TNRC6A: variants seen among roughly 807,000 people sequenced by gnomAD.
TNRC6A encodes trinucleotide repeat containing adaptor 6A, also known as trinucleotide repeat-containing gene 6A protein.
TNRC6A carries 44 observed loss-of-function variants against 221.2 expected under a neutral mutation model. The observed-to-expected ratio is 0.20, with a 90% confidence interval of 0.16 to 0.26. The LOEUF (loss-of-function observed/expected upper bound fraction) is 0.26. Ranked by LOEUF, TNRC6A falls within the 10% of genes least tolerant of loss-of-function variation. The pLI, the probability that TNRC6A is intolerant of heterozygous loss-of-function variation, is 1.00. For missense variants in TNRC6A, 2,199 were observed against 2,404.4 expected (o/e 0.91, Z 1.79); for synonymous variants, 847 against 838.5 (o/e 1.01, Z -0.18).
At chr16:24,663,780 C>T (rs2055085649) in intron 2 of TNRC6A, 3 of 375,792 alleles carry the variant, frequency 8.0e-6, no homozygotes, top group African/African-American at 2.1e-5. Context: ...CAGTGTCCAG[C>T]CCCTCCAGAG....
chr16:24,809,267 T>C lies in TNRC6A; in HGVS notation c.4541-83T>C, dbSNP rs1394572190. On this transcript the variant is annotated intron_variant, in intron 17 of 24. Coordinates refer to ENST00000395799, the MANE Select transcript of TNRC6A (RefSeq NM_014494.4). ...TGGTTTGAAAACATTAGTTACATGT[T>C]TTTCTAGGAAATAGAAGTTGTGCTA... 4 of 1,270,668 alleles carry C rather than the reference T, an allele frequency of 3.1e-6. No individual in the cohort carries two copies. In the Admixed American group the frequency reaches 8.1e-5, roughly 26 times the overall value. The allele number at this position is 1,270,668 out of a possible 1,614,324, so 78.7% of individuals were successfully genotyped here.
intron 1 of TNRC6A, among the ~76,000 whole-genome samples, chr16:24,639,849 G>T (rs1901844380): frequency 6.6e-6 from 1 of 152,086 alleles, no homozygotes; most frequent in Non-Finnish European, 1.5e-5. Context: ...TAGAAATGAG[G>T]CTTCACTATG....
At chr16:24,738,186 T>C (rs2056813152) in intron 2 of TNRC6A, among the ~76,000 whole-genome samples, 1 of 152,222 alleles carries the variant, frequency 6.6e-6, no homozygotes, top group Non-Finnish European at 1.5e-5. Context: ...GCTCAGCTTA[T>C]CAATTTAGCA....
chr16:24,729,752 C>T lies in TNRC6A; in HGVS notation c.-90C>T, dbSNP rs2056575493. The T allele has an allele frequency of 4.6e-6, 6 of 1,307,200 alleles. No individual in the cohort carries two copies. Among genetic ancestry groups the T allele is most frequent in the Non-Finnish European group, 5.9e-6 (6 of 1,023,266 alleles). 81.0% of individuals were successfully genotyped at this position (1,307,200 alleles called of 1,614,324 possible). A position where few individuals can be genotyped will look rare whatever the true frequency, so the allele number is the denominator to read the frequency against. On this transcript the variant is annotated 5_prime_UTR_variant, in exon 1 of 25. Transcript: ENST00000395799. ...GGTGTAGAAAATGGCGCTGGTGCAG[C>T]GGCTCGGGCCTCTCCCCGCGGCGCT... is the stretch of plus-strand genomic sequence containing the variant.
Position 24,823,126 on chromosome 16 carries a change from A to T in TNRC6A, c.5513+113A>T. 1 of 1,405,124 alleles carries T rather than the reference A, an allele frequency of 7.1e-7. No homozygotes were observed. Among genetic ancestry groups the T allele is most frequent in the South Asian group, 1.3e-5 (1 of 78,380 alleles). 87.0% of individuals were successfully genotyped at this position (1,405,124 alleles called of 1,614,324 possible). A position where few individuals can be genotyped will look rare whatever the true frequency, so the allele number is the denominator to read the frequency against. On this transcript the variant is annotated intron_variant, in intron 24 of 24. Coordinates refer to ENST00000395799, the MANE Select transcript of TNRC6A (RefSeq NM_014494.4). The surrounding 1 kb of genome is among the most constrained non-coding windows in gnomAD (Gnocchi z 4.3). ...TGCGTGGGTGGCTCCTGCTGGCTGC[A>T]GTAGTGCCCTGATTCCAAGGTCGGC...
At chr16:24,642,627 C>G (rs11074642) in intron 2 of TNRC6A, among the ~76,000 whole-genome samples, 107,926 of 151,924 alleles carry the variant, frequency 0.71, 39,541 homozygotes, top group African/African-American at 0.89. Flanking sequence ...AGACCAGCCT[C>G]GCCAACATGG....
chr16:24,791,545 C>T lies in TNRC6A; in HGVS notation c.2903C>T (p.Thr968Ile). 3.2e-6 allele frequency: 5 copies of T among 1,545,684 alleles called. No homozygotes were observed. Among genetic ancestry groups the T allele is most frequent in the Non-Finnish European group, 4.3e-6 (5 of 1,151,036 alleles). The change falls in exon 6 of 25, where the codon ACA becomes ATA. Residue 968 changes from threonine to isoleucine, a missense_variant. Thr to Ile is a moderately conservative substitution (Grantham distance 89). Transcript: ENST00000395799. Reference protein sequence around the residue: ...IPPATGKPPGTGWLGGPIPAP... With the variant: ...IPPATGKPPGIGWLGGPIPAP... ...CCAGCTACAGGCAAACCTCCTGGTA[C>T]AGGCTGGCTGGGGGGACCTATACCA...
Position 24,820,329 on chromosome 16 carries a change from A to T in TNRC6A, c.5271A>T (p.Gly1757=), listed in dbSNP as rs1362278720. 1.9e-6 allele frequency: 3 copies of T among 1,614,062 alleles called. No homozygotes were observed. The highest frequency in any genetic ancestry group is 1.1e-5 in the South Asian group (1 of 91,082). ...ATTCTCCCCTTCGTATAGGTGGAGG[A>T]TGGGGAAATTCTGACGCCAGATATA... ...WDNSPLRIGG[G]WGNSDARYTP... Residue 1757 remains glycine (G), a synonymous_variant, in exon 22 of 25, where the codon GGA becomes GGT. Transcript: ENST00000395799.
chr16:24,665,458 T>C, intron 2 of TNRC6A, among the ~76,000 whole-genome samples: 1 of 152,184 alleles, frequency 6.6e-6, no homozygotes, highest in Non-Finnish European at 1.5e-5. Flanking sequence ...TCATTGCCTT[T>C]TAACTCATTG....
intron 5 of TNRC6A, among the ~76,000 whole-genome samples, chr16:24,785,592 G>T (rs1174292274): frequency 6.6e-6 from 1 of 151,710 alleles, no homozygotes; most frequent in Non-Finnish European, 1.5e-5. Flanking sequence ...TCTCATTTTT[G>T]AGTCATATTT....
chr16:24,687,757 T>C (rs1419039644), intron 2 of TNRC6A, among the ~76,000 whole-genome samples: 1 of 150,866 alleles, frequency 6.6e-6, no homozygotes, highest in Non-Finnish European at 1.5e-5. Flanking sequence ...TATGATCATG[T>C]TACTACACTC....
chr16:24,630,016 T>C lies in TNRC6A; in HGVS notation n.277-10868T>C, dbSNP rs1385411075. The stretch of plus-strand genomic sequence containing the variant: ...AACATAATATTTGCCATCTTAACCA[T>C]TTTTAAGTGTCCTACATAACTTTTC... On this transcript the variant is annotated intron_variant and non_coding_transcript_variant, in intron 1 of 2. Coordinates refer to the TNRC6A transcript ENST00000566108. 3.3e-5 allele frequency among the ~76,000 whole-genome samples: 5 copies of C among 152,082 alleles called. No homozygotes were observed. The East Asian group carries it at 9.6e-4, about 29-fold the overall frequency.
At chr16:24,771,591 T>TATGTTGTG (rs2057609281) in intron 4 of TNRC6A, among the ~76,000 whole-genome samples, 5 of 149,526 alleles carry the variant, frequency 3.3e-5, no homozygotes, top group African/African-American at 1.2e-4. Flanking sequence ...GTTGTTATGT[T>TATGTTGTG]ATGTTATGTT....
intron 1 of TNRC6A, among the ~76,000 whole-genome samples, chr16:24,633,580 A>C (rs943989679): frequency 3.3e-5 from 5 of 151,796 alleles, no homozygotes; most frequent in African/African-American, 1.2e-4. Flanking sequence ...TTGTTAGTAG[A>C]GTTGGGGTTT....
Position 24,789,825 on chromosome 16 carries a change from T to G in TNRC6A, c.1183T>G (p.Cys395Gly). ...TGGTAGTTCTGGCATTAATATTCAG[T>G]GCAGTACTATAGGCCAGATGCCTAA... Reference protein sequence around the residue: ...GSGSSGINIQCSTIGQMPNNQ... With the variant: ...GSGSSGINIQGSTIGQMPNNQ... The change falls in exon 6 of 25, where the codon TGC becomes GGC. Residue 395 changes from cysteine (C) to glycine (G), a missense_variant. Transcript: ENST00000395799. The G allele has an allele frequency of 6.2e-7, 1 of 1,614,178 alleles. No individual in the cohort carries two copies. Among genetic ancestry groups the G allele is most frequent in the Non-Finnish European group, 8.5e-7 (1 of 1,180,024 alleles).
At chr16:24,673,471 A>T (rs2142008796) in intron 2 of TNRC6A, among the ~76,000 whole-genome samples, 1 of 152,348 alleles carries the variant, frequency 6.6e-6, no homozygotes, top group Admixed American at 6.5e-5. Flanking sequence ...TCCCAGGCAA[A>T]GATAAGGAAG....
intron 1 of TNRC6A, 117 bp downstream of exon 1, chr16:24,729,963 G>T (rs991055991): frequency 2.0e-6 from 2 of 984,080 alleles, no homozygotes; most frequent in African/African-American, 1.7e-5. Flanking sequence ...GAGACTTCGG[G>T]CCTCGGCGGG....
chr16:24,654,420 G>A (rs772883618), intron 2 of TNRC6A, among the ~76,000 whole-genome samples: 15 of 152,224 alleles, frequency 9.9e-5, no homozygotes, highest in Non-Finnish European at 2.1e-4. Context: ...AGAATCACCT[G>A]TAGACCAGGT....
chr16:24,704,691 A>AAAG (rs2056061876), intron 2 of TNRC6A, among the ~76,000 whole-genome samples: 1 of 150,136 alleles, frequency 6.7e-6, no homozygotes, highest in African/African-American at 2.4e-5. Flanking sequence ...AAAAAAAAAA[A>AAAG]AAAGAAAGAA....
Sources: allele counts gnomAD v4.1 joint callset (sites outside exome capture counted in the v4.1 genomes callset), GRCh38; gene constraint gnomAD v4.1.1; non-coding constraint Gnocchi (gnomAD v3.1); transcripts MANE v1.5; gene names NCBI Gene and HGNC (gene_info 2026-07-23, HGNC 2026-07-21).